Variants in ZC3H12D observed in about 807,000 individuals in gnomAD.
The protein encoded by ZC3H12D is zinc finger CCCH-type containing 12D.
A neutral mutation model predicts 24.2 loss-of-function variants in ZC3H12D; 11 were observed. The observed-to-expected ratio is 0.46, with a 90% CI of 0.29 to 0.75. ZC3H12D has a LOEUF of 0.75. Among genes scored for constraint, ZC3H12D ranks in the 30% least tolerant of loss-of-function variants. The pLI, the probability that ZC3H12D is intolerant of heterozygous loss-of-function variation, is 0.11. For synonymous variants in ZC3H12D, 333 were observed against 341.8 expected (o/e 0.97, Z 0.28); for missense variants, 740 against 767.7 (o/e 0.96, Z 0.43).
At chr6:149,455,263 C>A (rs1474562677) in intron 4 of ZC3H12D, among the ~76,000 whole-genome samples, 1 of 152,188 alleles carries the variant, frequency 6.6e-6, no homozygotes, top group African/African-American at 2.4e-5. Flanking sequence ...CCCCATCGAC[C>A]CTTCCCCAGC....
intron 4 of ZC3H12D, among the ~76,000 whole-genome samples, chr6:149,453,024 TG>T (rs1775925307): frequency 6.6e-6 from 1 of 150,578 alleles, no homozygotes; most frequent in African/African-American, 2.4e-5. Context: ...GTGGTTCACA[TG>T]GGTAATCCCA....
chr6:149,469,790 G>A (rs1392925768), intron 2 of ZC3H12D, among the ~76,000 whole-genome samples: 1 of 152,180 alleles, frequency 6.6e-6, no homozygotes, highest in Non-Finnish European at 1.5e-5. Flanking sequence ...CACCAGCCCT[G>A]CAGAGGGTCC....
chr6:149,450,250 G>C lies in ZC3H12D; in HGVS notation c.*433C>G. On this transcript the variant is annotated 3_prime_UTR_variant, in exon 6 of 6. Transcript: ENST00000409806. ...CTGACTACGACCCACATTGAGGTTA[G>C]TTACATGGCTGCCAAGGGGGTGGGG... The C allele has an allele frequency of 5.9e-6, 1 of 169,592 alleles. No homozygotes were observed. The highest frequency in any genetic ancestry group is 2.6e-3 in the Middle Eastern group (1 of 378). 10.5% of individuals were successfully genotyped at this position (169,592 alleles called of 1,614,324 possible).
chr6:149,474,254 C>A lies in ZC3H12D; in HGVS notation c.290G>T (p.Ser97Ile). 1 of 1,485,022 alleles carries A rather than the reference C, an allele frequency of 6.7e-7. No individual in the cohort carries two copies. Among genetic ancestry groups the A allele is most frequent in the Admixed American group, 2.2e-5 (1 of 44,786 alleles). The allele number at this position is 1,485,022 out of a possible 1,614,324, so 92.0% of individuals were successfully genotyped here. A position where few individuals can be genotyped will look rare whatever the true frequency, so the allele number is the denominator to read the frequency against. Reference sequence around the variant, plus strand: ...GGGAAGCTACCTCATCGCCACGTTGCTGCCATCAATCACTATGGGTCGCAG... The same window carrying A: ...GGGAAGCTACCTCATCGCCACGTTGATGCCATCAATCACTATGGGTCGCAG... The part of the protein sequence containing the change: ...SSLRPIVIDG[S>I]NVAMSHGNKE... Residue 97 changes from serine to isoleucine, a missense_variant, in exon 2 of 6, where the codon AGC (serine) becomes ATC (isoleucine). By Grantham distance (142) the Ser-to-Ile change is moderately radical. Transcript: ENST00000409806.
intron 1 of ZC3H12D, among the ~76,000 whole-genome samples, chr6:149,479,277 C>T (rs1225627887): frequency 6.6e-6 from 1 of 152,202 alleles, no homozygotes; most frequent in Admixed American, 6.5e-5. Context: ...AAGAGGATTA[C>T]TTGACCCCAG....
chr6:149,472,497 C>T (rs17087042), intron 2 of ZC3H12D, among the ~76,000 whole-genome samples: 6,922 of 146,472 alleles, frequency 0.047, 434 homozygotes, highest in East Asian at 0.33. Context: ...ATGTATAACC[C>T]GCACAGATTG....
chr6:149,459,009 T>C (rs567667155), intron 3 of ZC3H12D, among the ~76,000 whole-genome samples: 66 of 152,364 alleles, frequency 4.3e-4, no homozygotes, highest in African/African-American at 1.3e-3. Flanking sequence ...CCTTCATCAG[T>C]AATGTGTGAT....
chr6:149,462,488 G>T (rs779673242), intron 2 of ZC3H12D, among the ~76,000 whole-genome samples: 2 of 152,216 alleles, frequency 1.3e-5, no homozygotes, highest in African/African-American at 2.4e-5. Flanking sequence ...GAACCACATA[G>T]CTTGTGATAG....
Position 149,456,721 on chromosome 6 carries a change from C to T in ZC3H12D, c.625G>A (p.Glu209Lys). The T allele has an allele frequency of 6.2e-7, 1 of 1,613,730 alleles. No homozygotes were observed. ...NYRDLQSENP[E>K]WKWFIEQRLL... Reference sequence around the variant, plus strand: ...CTCTGCTCGATGAACCACTTCCACTCGGGGTTCTCGCTCTGCAGGTCCCGG... The same window carrying T: ...CTCTGCTCGATGAACCACTTCCACTTGGGGTTCTCGCTCTGCAGGTCCCGG... The change falls in exon 4 of 6, where the codon GAG becomes AAG. Residue 209 changes from glutamate to lysine, a missense_variant. Physicochemically the swap from Glu to Lys is moderately conservative, Grantham distance 56. Coordinates refer to ENST00000409806, the MANE Select transcript of ZC3H12D (RefSeq NM_207360.3). This position sits in a 1 kb window ranked among gnomAD's most constrained non-coding sequence, Gnocchi z 4.3.
Position 149,452,836 on chromosome 6 carries a change from GC to G in ZC3H12D, c.681-115del. The stretch of plus-strand genomic sequence containing the variant: ...AACACCAGGAAGCATTCGGCCCCGG[GC>G]CCACCATCACCCAGCAGGATGTCAC... On this transcript the variant is annotated intron_variant, in intron 4 of 5. Coordinates refer to ENST00000409806, the MANE Select transcript of ZC3H12D (RefSeq NM_207360.3). The surrounding 1 kb of genome is among the most constrained non-coding windows in gnomAD (Gnocchi z 4.0). 1 of 885,854 alleles carries G rather than the reference GC, an allele frequency of 1.1e-6. No individual in the cohort carries two copies. Among genetic ancestry groups the G allele is most frequent in the South Asian group, 1.5e-5 (1 of 65,528 alleles). 54.9% of individuals were successfully genotyped at this position (885,854 alleles called of 1,614,324 possible).
chr6:149,464,744 AGAG>A, intron 2 of ZC3H12D, among the ~76,000 whole-genome samples: 1 of 152,358 alleles, frequency 6.6e-6, no homozygotes, highest in East Asian at 1.9e-4. Flanking sequence ...AGAAGCAGCT[AGAG>A]GAGAAGCTGA....
rs1445301244 is a variant in ZC3H12D at position 149,474,325 on chromosome 6, G to A, written c.219C>T (p.Gly73=). Residue 73 remains glycine, a synonymous_variant, in exon 2 of 6, where the codon GGC becomes GGT. Transcript: ENST00000409806. The part of the protein sequence containing the change: ...SCGVPDSAQR[G]PGTALEEDFR... The stretch of plus-strand genomic sequence containing the variant: ...AGTCCTCTTCCAGGGCTGTCCCCGG[G>A]CCACGCTGGGCAGAGTCCGGGACCC... The A allele has an allele frequency of 1.9e-6, 3 of 1,595,712 alleles. No homozygotes were observed. The highest frequency in any genetic ancestry group is 4.5e-5 in the East Asian group (2 of 44,378).
intron 1 of ZC3H12D, among the ~76,000 whole-genome samples, chr6:149,480,672 G>T (rs545192760): frequency 6.6e-6 from 1 of 152,274 alleles, no homozygotes; most frequent in South Asian, 2.1e-4. Context: ...GGAGGCGGAG[G>T]TTGCGGTGAG....
intron 2 of ZC3H12D, among the ~76,000 whole-genome samples, chr6:149,463,641 G>A (rs9485396): frequency 0.36 from 55,224 of 151,940 alleles, 10,537 homozygotes; most frequent in African/African-American, 0.46. Flanking sequence ...CCTGGGAGGC[G>A]GAGGTTGTAG....
chr6:149,471,005 G>A (rs1194185306), intron 2 of ZC3H12D, among the ~76,000 whole-genome samples: 1 of 152,170 alleles, frequency 6.6e-6, no homozygotes, highest in Non-Finnish European at 1.5e-5. Flanking sequence ...CAAAACTGGG[G>A]GCAGCCATAG....
intron 1 of ZC3H12D, among the ~76,000 whole-genome samples, chr6:149,480,192 A>G (rs1406906913): frequency 6.6e-6 from 1 of 152,236 alleles, no homozygotes; most frequent in African/African-American, 2.4e-5. Context: ...TTCACAATCA[A>G]TTAAAGAAAA....
intron 2 of ZC3H12D, among the ~76,000 whole-genome samples, chr6:149,462,732 C>T (rs1184433123): frequency 2.6e-5 from 4 of 152,312 alleles, no homozygotes; most frequent in Admixed American, 2.6e-4. Flanking sequence ...AATGAGCGGA[C>T]TTGCTGAGTC....
Position 149,450,542 on chromosome 6 carries a change from G to A in ZC3H12D, c.*141C>T. 3 of 909,468 alleles carry A rather than the reference G, an allele frequency of 3.3e-6. No homozygotes were observed. The highest frequency in any genetic ancestry group is 4.7e-6 in the Non-Finnish European group (3 of 631,742). The allele number at this position is 909,468 out of a possible 1,614,324, so 56.3% of individuals were successfully genotyped here. ...GCCCCCACAACCCCGCTCAGGAGGA[G>A]GAAGCAGGCTTCCCTGACCATCTTT... On this transcript the variant is annotated 3_prime_UTR_variant, in exon 6 of 6. Coordinates refer to ENST00000409806, the MANE Select transcript of ZC3H12D (RefSeq NM_207360.3).
intron 3 of ZC3H12D, among the ~76,000 whole-genome samples, chr6:149,461,204 G>A (rs1217707638): frequency 6.6e-6 from 1 of 152,078 alleles, no homozygotes; most frequent in East Asian, 1.9e-4. Context: ...AGTTGGGTGT[G>A]GTGGCACATG....
Sources: gnomAD v4.1 joint callset for allele counts (sites outside exome capture counted in the v4.1 genomes callset) on GRCh38, gnomAD v4.1.1 for gene constraint, Gnocchi (gnomAD v3.1) non-coding constraint, MANE v1.5 for transcripts, NCBI Gene and HGNC (gene_info 2026-07-23, HGNC 2026-07-21) for gene names.